Variants in LAMA3 observed in about 807,000 individuals in gnomAD.
The protein encoded by LAMA3 is laminin subunit alpha-3.
In LAMA3, 281 loss-of-function variants were observed where a neutral mutation model predicts 402.0. That is an observed-to-expected ratio of 0.70 (90% CI 0.63 to 0.77). The LOEUF is 0.77. Among genes scored for constraint, LAMA3 ranks in the 30% least tolerant of loss-of-function variants. LAMA3 has a pLI of 0.00. For missense variants in LAMA3, 3,840 were observed against 4,215.5 expected, an observed-to-expected ratio of 0.91 and a Z score of 2.47; for synonymous variants, 1,431 against 1,558.4, an observed-to-expected ratio of 0.92 and a Z score of 1.93.
At chr18:23,888,337 C>T (rs1301733893) in intron 41 of LAMA3, among the ~76,000 whole-genome samples, 1 of 152,188 alleles carries the variant, frequency 6.6e-6, no homozygotes, top group African/African-American at 2.4e-5. Context: ...GATAGCTACC[C>T]TTCATTGTCT....
Position 23,899,131 on chromosome 18 carries a change from G to T in LAMA3, c.5836+66G>T, listed in dbSNP as rs568074572. ...ACATAACCTTCATTGTACACTAAAAGAATTCCCTTTAAGATTTCAACATTA... is the reference window on the plus strand; with the variant it reads ...ACATAACCTTCATTGTACACTAAAATAATTCCCTTTAAGATTTCAACATTA... On this transcript the variant is annotated intron_variant, in intron 46 of 74. Transcript: ENST00000313654. The T allele has an allele frequency of 6.8e-5, 91 of 1,339,730 alleles. No individual in the cohort carries two copies. The South Asian group carries it at 1.0e-3, about 15-fold the overall frequency. The allele number at this position is 1,339,730 out of a possible 1,614,324, so 83.0% of individuals were successfully genotyped here.
Position 23,860,066 on chromosome 18 carries a change from A to G in LAMA3, c.4422+1237A>G, listed in dbSNP as rs559154350. Among the ~76,000 whole-genome samples the G allele has an allele frequency of 4.6e-5, 7 of 152,324 alleles. No homozygotes were observed. The South Asian group carries it at 1.5e-3, about 32-fold the overall frequency. ...GGCAAAAGATGCTCCTATCACCCCTATCATTCAGGAAATTACAAGGGTTTT... is the reference window on the plus strand; with the variant it reads ...GGCAAAAGATGCTCCTATCACCCCTGTCATTCAGGAAATTACAAGGGTTTT... On this transcript the variant is annotated intron_variant, in intron 34 of 74. Transcript: ENST00000313654.
At chr18:23,703,076 G>T (rs891526181) in intron 1 of LAMA3, among the ~76,000 whole-genome samples, 4 of 152,170 alleles carry the variant, frequency 2.6e-5, no homozygotes, top group African/African-American at 9.7e-5. Flanking sequence ...ATGGCTAGTG[G>T]TGCACCCATA....
At position 23,899,303 on chromosome 18, in the gene LAMA3, T is replaced by C; in HGVS notation, c.5852T>C (p.Ile1951Thr). 6.2e-7 allele frequency: 1 copy of C among 1,614,034 alleles called. No homozygotes were observed. The highest frequency in any genetic ancestry group is 8.5e-7 in the Non-Finnish European group (1 of 1,179,960). Reference sequence around the variant, plus strand: ...TGTTTCCTAGTTCTTTTAAAGCAGATCTCTGGGACAGATGGAGAGGGAAAC... The same window carrying C: ...TGTTTCCTAGTTCTTTTAAAGCAGACCTCTGGGACAGATGGAGAGGGAAAC... Reference protein sequence around the residue: ...IRNVHILLKQISGTDGEGNNV... With the variant: ...IRNVHILLKQTSGTDGEGNNV... Residue 1951 changes from isoleucine to threonine, a missense_variant, in exon 47 of 75, where the codon ATC (isoleucine) becomes ACC (threonine). Ile to Thr is a moderately conservative substitution (Grantham distance 89). Transcript: ENST00000313654.
intron 23 of LAMA3, among the ~76,000 whole-genome samples, chr18:23,831,450 C>G (rs551263219): frequency 2.6e-5 from 4 of 152,128 alleles, no homozygotes; most frequent in African/African-American, 9.6e-5. Context: ...TCCCTCTACC[C>G]AAACACTCTT....
rs186813756 is a variant in LAMA3, at chr18:23,763,677, C to T, written c.1182+154C>T. 1.8e-3 allele frequency among the ~76,000 whole-genome samples: 272 copies of T among 152,294 alleles called. 1 individual carries two copies. The highest frequency in any genetic ancestry group is 6.3e-3 in the African/African-American group (260 of 41,566). On this transcript the variant is annotated intron_variant, in intron 8 of 74. Transcript: ENST00000313654. ...TGTTGCTCACACAAGGCCTTGTTAG[C>T]TGGATGTAATTTAGGGATTGTAAGG...
At position 23,803,294 on chromosome 18, in the gene LAMA3, G is replaced by A. The variant is rs1483632710; in HGVS notation, c.1604-7072G>A. On this transcript the variant is annotated intron_variant, in intron 12 of 74. Transcript: ENST00000313654. ...AGAATGGTGCCATATTGAGGACTTG[G>A]TATTGGTCTCTGCTGCTCGCAGACT... Among the ~76,000 whole-genome samples the A allele has an allele frequency of 2.6e-5, 4 of 152,262 alleles. No homozygotes were observed. In the East Asian group the frequency reaches 7.7e-4, roughly 29 times the overall value.
At chr18:23,941,334 C>CCCG (rs1568371184) in intron 68 of LAMA3, among the ~76,000 whole-genome samples, 1 of 144,842 alleles carries the variant, frequency 6.9e-6, no homozygotes, top group African/African-American at 2.5e-5. Flanking sequence ...GCGCCCCCCC[C>CCCG]CCGCCCGGCA....
At chr18:23,942,221 A>T (rs1459106051) in intron 68 of LAMA3, among the ~76,000 whole-genome samples, 5 of 152,296 alleles carry the variant, frequency 3.3e-5, no homozygotes, top group African/African-American at 9.6e-5. Context: ...GGCACTGGGG[A>T]TGCCGCTGTG....
chr18:23,774,554 AAGAATGCC>A (rs2062272662), intron 9 of LAMA3, among the ~76,000 whole-genome samples: 3 of 152,180 alleles, frequency 2.0e-5, no homozygotes, highest in African/African-American at 7.2e-5. Context: ...TATTATACAG[AAGAATGCC>A]TCTAGTTTTT....
Position 23,915,506 on chromosome 18 carries a change from A to T in LAMA3, c.7778+84A>T, listed in dbSNP as rs916263907. On this transcript the variant is annotated intron_variant, in intron 59 of 74. Coordinates refer to ENST00000313654, the MANE Select transcript of LAMA3 (RefSeq NM_198129.4). ...TTTTACATATGATAAAGGATGGGCC[A>T]GTGAGATGCTATTGATGTTGCTAGT... 10 of 1,320,028 alleles carry T rather than the reference A, an allele frequency of 7.6e-6. No individual in the cohort carries two copies. The Admixed American group carries it at 1.2e-4, about 16-fold the overall frequency. The allele number at this position is 1,320,028 out of a possible 1,614,324, so 81.8% of individuals were successfully genotyped here. A position where few individuals can be genotyped will look rare whatever the true frequency, so the allele number is the denominator to read the frequency against.
At chr18:23,941,015 A>G (rs2082488764) in intron 68 of LAMA3, among the ~76,000 whole-genome samples, 1 of 148,394 alleles carries the variant, frequency 6.7e-6, no homozygotes. Flanking sequence ...GGCTCACTGC[A>G]ACTTCCACCT....
At chr18:23,690,540 A>G (rs930354162) in intron 1 of LAMA3, among the ~76,000 whole-genome samples, 16 of 152,212 alleles carry the variant, frequency 1.1e-4, no homozygotes, top group Non-Finnish European at 2.1e-4. Flanking sequence ...GCGGACAGAG[A>G]TAGAAAGGCT....
At chr18:23,783,878 C>A in intron 11 of LAMA3, 145 bp from the exon 12 acceptor site, 1 of 1,095,186 alleles carries the variant, frequency 9.1e-7, no homozygotes, top group Non-Finnish European at 1.4e-6. Context: ...CCCTTCAACG[C>A]AGTGTAGTCT....
intron 1 of LAMA3, among the ~76,000 whole-genome samples, chr18:23,697,713 A>C (rs1304196733): frequency 2.5e-5 from 3 of 119,936 alleles, no homozygotes; most frequent in South Asian, 3.1e-4. Flanking sequence ...CCCCGCCCCA[A>C]AAAAAAATCC....
chr18:23,827,731 C>T (rs564372588), intron 23 of LAMA3, among the ~76,000 whole-genome samples: 29 of 152,204 alleles, frequency 1.9e-4, no homozygotes, highest in Admixed American at 3.9e-4. Context: ...TTTTGGTTAT[C>T]TGGACTTAGA....
At chr18:23,697,408 C>T (rs1025076058) in intron 1 of LAMA3, among the ~76,000 whole-genome samples, 1 of 152,120 alleles carries the variant, frequency 6.6e-6, no homozygotes, top group Non-Finnish European at 1.5e-5. Flanking sequence ...TCAGGAGCCT[C>T]TCATATACAT....
chr18:23,858,198 T>A (rs1290513011), intron 33 of LAMA3, among the ~76,000 whole-genome samples: 1 of 152,220 alleles, frequency 6.6e-6, no homozygotes, highest in Non-Finnish European at 1.5e-5. Flanking sequence ...TCAGACCGCC[T>A]TAGAATCTGA....
chr18:23,756,034 T>G lies in LAMA3; in HGVS notation c.947+2222T>G, dbSNP rs113064608. ...GGACTACATATTCTTGAAGCAGTCT[T>G]CCCTAAATAATCTTGTAGTCTAGCT... is the stretch of plus-strand genomic sequence containing the variant. On this transcript the variant is annotated intron_variant, in intron 6 of 74. Transcript: ENST00000313654. 5.3e-3 allele frequency among the ~76,000 whole-genome samples: 801 copies of G among 152,254 alleles called. 7 individuals are homozygous for G. Among genetic ancestry groups the G allele is most frequent in the African/African-American group, 0.018 (768 of 41,534 alleles).
Sources: allele counts gnomAD v4.1 joint callset (sites outside exome capture counted in the v4.1 genomes callset), GRCh38; gene constraint gnomAD v4.1.1; transcripts MANE v1.5; gene names NCBI Gene and HGNC (gene_info 2026-07-23, HGNC 2026-07-21).